The following EEA1 variants were observed in gnomAD, a reference collection of about 807,000 sequenced individuals.
The protein encoded by EEA1 is early endosome antigen 1.
A neutral mutation model predicts 209.2 loss-of-function variants in EEA1; 111 were observed. That is an observed-to-expected ratio of 0.53 (90% CI 0.45 to 0.62). The LOEUF (loss-of-function observed/expected upper bound fraction) is 0.62, where lower values mean the gene tolerates loss of function less well. Ranked by LOEUF, EEA1 falls within the 20% of genes least tolerant of loss-of-function variation. EEA1 has a pLI of 0.00. For missense variants in EEA1, 1,343 were observed against 1,530.8 expected (o/e 0.88, Z 2.05); for synonymous variants, 536 against 540.6 (o/e 0.99, Z 0.12).
At chr12:92,912,787 C>T (rs544923700) in intron 1 of EEA1, among the ~76,000 whole-genome samples, 1 of 152,304 alleles carries the variant, frequency 6.6e-6, no homozygotes, top group South Asian at 2.1e-4. Flanking sequence ...TAAGTGAGAA[C>T]ATGCAGTATT....
intron 1 of EEA1, among the ~76,000 whole-genome samples, chr12:92,899,003 T>TA (rs1328897361): frequency 7.0e-6 from 1 of 143,582 alleles, no homozygotes; most frequent in Non-Finnish European, 1.5e-5. Flanking sequence ...GAGGAGGCAA[T>TA]AACTGTATCC....
chr12:92,861,832 C>T (rs75060457), intron 3 of EEA1, among the ~76,000 whole-genome samples: 3,720 of 151,598 alleles, frequency 0.025, 168 homozygotes, highest in African/African-American at 0.084. Flanking sequence ...TGGAAGAATA[C>T]GTAAGAAATT....
intron 1 of EEA1, among the ~76,000 whole-genome samples, chr12:92,894,638 G>A (rs1221249520): frequency 6.6e-6 from 1 of 152,130 alleles, no homozygotes; most frequent in Non-Finnish European, 1.5e-5. Flanking sequence ...TCAATTGTAC[G>A]AAGGCTGACA....
At chr12:92,883,332 C>T (rs777021264) in intron 2 of EEA1, among the ~76,000 whole-genome samples, 30 of 152,138 alleles carry the variant, frequency 2.0e-4, no homozygotes, top group Non-Finnish European at 3.7e-4. Context: ...CTTGGCTGCA[C>T]AGTTTGCAAA....
intron 21 of EEA1, among the ~76,000 whole-genome samples, chr12:92,793,282 G>A (rs574615626): frequency 6.6e-6 from 1 of 152,240 alleles, no homozygotes; most frequent in East Asian, 1.9e-4. Flanking sequence ...TCTGGCCAGG[G>A]CAATCAGGCA....
rs1255124485 is a variant in EEA1 at position 92,929,183 on chromosome 12, C to T, written c.-117G>A. ...GCCGGGAGGGGACCGGGAAGGAGGTCGGGGCGAGGCGGTGGCGACGGCCGC... is the reference window on the plus strand; with the variant it reads ...GCCGGGAGGGGACCGGGAAGGAGGTTGGGGCGAGGCGGTGGCGACGGCCGC... On this transcript the variant is annotated 5_prime_UTR_variant, in exon 1 of 29. Coordinates refer to ENST00000322349, the MANE Select transcript of EEA1 (RefSeq NM_003566.4). 40 of 999,170 alleles carry T rather than the reference C, an allele frequency of 4.0e-5. No homozygotes were observed. Among genetic ancestry groups the T allele is most frequent in the Non-Finnish European group, 4.9e-5 (35 of 718,372 alleles). 61.9% of individuals were successfully genotyped at this position (999,170 alleles called of 1,614,324 possible).
chr12:92,813,121 T>C (rs749070397), intron 15 of EEA1, 28 bp from the exon 16 acceptor site: 17 of 1,418,498 alleles, frequency 1.2e-5, no homozygotes, highest in Non-Finnish European at 1.6e-5. Context: ...AATTATTTAA[T>C]TTATATTTAG....
At chr12:92,906,780 C>T (rs1323176487) in intron 1 of EEA1, among the ~76,000 whole-genome samples, 1 of 152,034 alleles carries the variant, frequency 6.6e-6, no homozygotes, top group Non-Finnish European at 1.5e-5. Flanking sequence ...CGCCACTGCA[C>T]TCCAGCCTGG....
intron 1 of EEA1, among the ~76,000 whole-genome samples, chr12:92,915,428 T>C (rs1367298232): frequency 1.3e-5 from 2 of 152,184 alleles, no homozygotes; most frequent in Non-Finnish European, 2.9e-5. Context: ...GTGATCATGC[T>C]ACTTGCACTC....
At chr12:92,868,294 C>T (rs887219643) in intron 2 of EEA1, among the ~76,000 whole-genome samples, 2 of 152,198 alleles carry the variant, frequency 1.3e-5, no homozygotes, top group African/African-American at 4.8e-5. Context: ...CTTAGATCTC[C>T]TACCCACTGT....
In EEA1 at chr12:92,798,345, A is replaced by ATT. The variant is rs202235633; in HGVS notation, c.2967+545_2967+546dup. On this transcript the variant is annotated intron_variant, in intron 21 of 28. Coordinates refer to ENST00000322349, the MANE Select transcript of EEA1 (RefSeq NM_003566.4). ...TTTCCTTAAGTGTTACATTATTATT[A>ATT]TTATTATTTTTTTTTGAGACAGAGT... Among the ~76,000 whole-genome samples, 1,397 of 149,560 alleles carry ATT rather than the reference A, an allele frequency of 9.3e-3. 18 individuals are homozygous for ATT. Among genetic ancestry groups the ATT allele is most frequent in the African/African-American group, 0.028 (1,156 of 40,700 alleles).
At chr12:92,793,294 G>A (rs868819899) in intron 21 of EEA1, among the ~76,000 whole-genome samples, 24 of 152,286 alleles carry the variant, frequency 1.6e-4, no homozygotes, top group Middle Eastern at 3.4e-3. Flanking sequence ...AATCAGGCAA[G>A]AGAAAGAAAT....
intron 2 of EEA1, chr12:92,883,678 G>A (rs529429120): frequency 3.1e-4 from 207 of 677,502 alleles, no homozygotes; most frequent in African/African-American, 2.9e-3. Context: ...TTACTTTATC[G>A]TAAGAATACA....
rs757319949 is a variant in EEA1, at chr12:92,852,911, C to T, written c.520+1G>A. On this transcript the variant is annotated splice_donor_variant, in intron 7 of 28. Transcript: ENST00000322349. LOFTEE classifies it high-confidence loss of function. ...GGCTAAAAAATTCTAACTCAATTTA[C>T]CTGCAATTTCAGTAGCAAGTTGGGC... 4 of 1,605,052 alleles carry T rather than the reference C, an allele frequency of 2.5e-6. No individual in the cohort carries two copies. Among genetic ancestry groups the T allele is most frequent in the South Asian group, 2.2e-5 (2 of 89,494 alleles).
chr12:92,909,908 C>T (rs533791941), intron 1 of EEA1, among the ~76,000 whole-genome samples: 5 of 151,986 alleles, frequency 3.3e-5, no homozygotes, highest in Non-Finnish European at 5.9e-5. Context: ...TTTGGGAGAC[C>T]GAGAAGGGTA....
intron 1 of EEA1, among the ~76,000 whole-genome samples, chr12:92,913,854 T>C (rs1880668022): frequency 6.6e-6 from 1 of 152,186 alleles, no homozygotes; most frequent in South Asian, 2.1e-4. Flanking sequence ...AGAGACATGG[T>C]TTCACTATGT....
intron 1 of EEA1, among the ~76,000 whole-genome samples, chr12:92,921,759 G>GAAAA (rs751838383): frequency 6.5e-5 from 5 of 76,714 alleles, no homozygotes; most frequent in African/African-American, 1.6e-4. Context: ...TAAAAAAAAA[G>GAAAA]AAAAAAAAAA....
chr12:92,856,555 AAC>A (rs763121804), intron 5 of EEA1, among the ~76,000 whole-genome samples: 2 of 151,766 alleles, frequency 1.3e-5, no homozygotes, highest in Non-Finnish European at 2.9e-5. Flanking sequence ...AATCTTCACT[AAC>A]ATAATACATA....
chr12:92,920,468 GA>G (rs201370818), intron 1 of EEA1, among the ~76,000 whole-genome samples: 8,937 of 145,144 alleles, frequency 0.062, 311 homozygotes, highest in Middle Eastern at 0.11. Flanking sequence ...TCTGATCTTT[GA>G]CAAACCTGAG....
Sources: gnomAD v4.1 joint callset for allele counts (sites outside exome capture counted in the v4.1 genomes callset) on GRCh38, gnomAD v4.1.1 for gene constraint, MANE v1.5 for transcripts, NCBI Gene and HGNC (gene_info 2026-07-23, HGNC 2026-07-21) for gene names.